Variants in NKAIN3 observed in about 807,000 individuals in gnomAD.
The protein encoded by NKAIN3 is sodium/potassium-transporting ATPase subunit beta-1-interacting protein 3.
A neutral mutation model predicts 30.2 loss-of-function variants in NKAIN3; 25 were observed. That is an observed-to-expected ratio of 0.83 (90% CI 0.60 to 1.16). The LOEUF (loss-of-function observed/expected upper bound fraction) is 1.16, where lower values mean the gene tolerates loss of function less well. Among genes scored for constraint, NKAIN3 ranks in the 50% most tolerant of loss-of-function variants. The probability of loss-of-function intolerance (pLI) is 0.00; values close to 1 mark genes in which losing one functional copy is unlikely to be tolerated. For missense variants in NKAIN3, 225 were observed against 254.1 expected (o/e 0.89, Z 0.78); for synonymous variants, 91 against 89.6 (o/e 1.02, Z -0.09).
intron 3 of NKAIN3, among the ~76,000 whole-genome samples, chr8:62,707,052 T>TATACACACACACACAC (rs1554568660): frequency 3.0e-5 from 3 of 99,166 alleles, no homozygotes; most frequent in Admixed American, 1.3e-4. Flanking sequence ...CCATCATACA[T>TATACACACACACACAC]ACATACACAC....
intron 5 of NKAIN3, among the ~76,000 whole-genome samples, chr8:62,950,306 A>T (rs1250151650): frequency 6.6e-5 from 10 of 152,154 alleles, no homozygotes; most frequent in Non-Finnish European, 1.3e-4. Flanking sequence ...ACTCTAGCAA[A>T]TGGAAGGTAT....
intron 1 of NKAIN3, among the ~76,000 whole-genome samples, chr8:62,434,586 C>T (rs1805112991): frequency 6.6e-6 from 1 of 152,134 alleles, no homozygotes; most frequent in Admixed American, 6.6e-5. Flanking sequence ...TTCCAAGTAT[C>T]TGTCCCTTCC....
At chr8:62,444,645 G>A (rs1361118622) in intron 1 of NKAIN3, among the ~76,000 whole-genome samples, 3 of 151,922 alleles carry the variant, frequency 2.0e-5, no homozygotes, top group African/African-American at 4.8e-5. Context: ...TCCATATTTT[G>A]GCTATTGTAA....
At chr8:62,836,225 C>T (rs1819358875) in intron 4 of NKAIN3, among the ~76,000 whole-genome samples, 1 of 151,970 alleles carries the variant, frequency 6.6e-6, no homozygotes, top group Non-Finnish European at 1.5e-5. Context: ...TTATTGCTCT[C>T]CTCACTACCT....
At chr8:62,542,713 A>G (rs1444932039) in intron 1 of NKAIN3, among the ~76,000 whole-genome samples, 1 of 152,218 alleles carries the variant, frequency 6.6e-6, no homozygotes, top group Non-Finnish European at 1.5e-5. Flanking sequence ...AACATGTTAA[A>G]CATGTTAAAA....
At position 62,526,124 on chromosome 8, in the gene NKAIN3, A is replaced by G. The variant is rs915477466; in HGVS notation, c.55-53415A>G. ...AACCTGCACAATCAAGGGCCTGGAAACTATGGAATGAGAGAAGGGCTGAAG... is the reference window on the plus strand; with the variant it reads ...AACCTGCACAATCAAGGGCCTGGAAGCTATGGAATGAGAGAAGGGCTGAAG... On this transcript the variant is annotated intron_variant, in intron 1 of 6. Coordinates refer to ENST00000623646, the MANE Select transcript of NKAIN3 (RefSeq NM_001304533.3). Among the ~76,000 whole-genome samples, 16 of 152,262 alleles carry G rather than the reference A, an allele frequency of 1.1e-4. 1 individual carries two copies. The highest frequency in any genetic ancestry group is 6.8e-3 in the Middle Eastern group (2 of 294).
At chr8:62,307,391 C>T (rs1814282580) in intron 1 of NKAIN3, among the ~76,000 whole-genome samples, 1 of 149,884 alleles carries the variant, frequency 6.7e-6, no homozygotes, top group South Asian at 2.1e-4. Flanking sequence ...TCTTTATCCC[C>T]TCCTCTGTCC....
At chr8:62,257,243 A>G (rs1441636437) in intron 1 of NKAIN3, among the ~76,000 whole-genome samples, 1 of 152,194 alleles carries the variant, frequency 6.6e-6, no homozygotes, top group Non-Finnish European at 1.5e-5. Flanking sequence ...ATGTCCTTCT[A>G]ATAAGTATTC....
intron 4 of NKAIN3, among the ~76,000 whole-genome samples, chr8:62,891,421 T>C (rs1462920921): frequency 6.6e-6 from 1 of 152,206 alleles, no homozygotes; most frequent in African/African-American, 2.4e-5. Context: ...TTCTCTACTT[T>C]TGAGGTTTTG....
At chr8:62,278,784 G>A (rs1376985404) in intron 1 of NKAIN3, among the ~76,000 whole-genome samples, 2 of 152,120 alleles carry the variant, frequency 1.3e-5, no homozygotes, top group African/African-American at 4.8e-5. Flanking sequence ...ATCATTGATG[G>A]ACATTTAGGT....
intron 3 of NKAIN3, among the ~76,000 whole-genome samples, chr8:62,701,956 GGCGTCTTTTTCCTCGAATT>G (rs1252114337): frequency 2.0e-5 from 3 of 152,110 alleles, no homozygotes; most frequent in Non-Finnish European, 4.4e-5. Context: ...GTCCACTGGG[GGCGTCTTTTTCCTCGAATT>G]GCGCTAGGGC....
At chr8:62,766,680 T>C (rs2130627936) in intron 4 of NKAIN3, among the ~76,000 whole-genome samples, 1 of 152,284 alleles carries the variant, frequency 6.6e-6, no homozygotes, top group East Asian at 1.9e-4. Context: ...TTATCCACTA[T>C]GAGTGACAGG....
At chr8:62,777,754 G>A (rs1384454705) in intron 4 of NKAIN3, among the ~76,000 whole-genome samples, 1 of 152,026 alleles carries the variant, frequency 6.6e-6, no homozygotes, top group African/African-American at 2.4e-5. Context: ...TGATACTTGT[G>A]GACGTTCATC....
intron 1 of NKAIN3, among the ~76,000 whole-genome samples, chr8:62,556,125 A>G (rs531092235): frequency 2.0e-5 from 3 of 152,120 alleles, no homozygotes; most frequent in South Asian, 4.1e-4. Flanking sequence ...TGGTGTATAT[A>G]TATTGGTAAA....
At chr8:62,317,155 T>C (rs1345747208) in intron 1 of NKAIN3, among the ~76,000 whole-genome samples, 1 of 152,232 alleles carries the variant, frequency 6.6e-6, no homozygotes, top group Non-Finnish European at 1.5e-5. Context: ...TTTGATTTCA[T>C]TGTAGATTCT....
rs560840834 is a variant in NKAIN3 at position 62,929,314 on chromosome 8, G to A, written c.532+10801G>A. On this transcript the variant is annotated intron_variant, in intron 5 of 6. Coordinates refer to ENST00000623646, the MANE Select transcript of NKAIN3 (RefSeq NM_001304533.3). ...ATTGAGCAGGAGGGCTCTGTGAAAAGGATAAAAAGTATACTGTGTTTTCGT... is the reference window on the plus strand; with the variant it reads ...ATTGAGCAGGAGGGCTCTGTGAAAAAGATAAAAAGTATACTGTGTTTTCGT... Among the ~76,000 whole-genome samples the A allele has an allele frequency of 7.0e-4, 107 of 152,286 alleles. No individual in the cohort carries two copies. The South Asian group carries it at 8.1e-3, about 12-fold the overall frequency.
chr8:62,874,350 A>G (rs905672574), intron 4 of NKAIN3, among the ~76,000 whole-genome samples: 1 of 152,172 alleles, frequency 6.6e-6, no homozygotes, highest in East Asian at 1.9e-4. Flanking sequence ...TAGCCTACCA[A>G]CCAAAAAAAC....
chr8:62,519,974 A>G (rs28564421), intron 1 of NKAIN3, among the ~76,000 whole-genome samples: 2 of 152,110 alleles, frequency 1.3e-5, no homozygotes, highest in African/African-American at 4.8e-5. Context: ...TTCCTTTTTC[A>G]GTATTTTCCT....
intron 1 of NKAIN3, among the ~76,000 whole-genome samples, chr8:62,368,899 G>T (rs1017025157): frequency 6.6e-6 from 1 of 151,548 alleles, no homozygotes; most frequent in Non-Finnish European, 1.5e-5. Flanking sequence ...GCCTATTCTA[G>T]GAAGAATATT....
Sources: allele counts gnomAD v4.1 joint callset (sites outside exome capture counted in the v4.1 genomes callset), GRCh38; gene constraint gnomAD v4.1.1; transcripts MANE v1.5; gene names NCBI Gene and HGNC (gene_info 2026-07-23, HGNC 2026-07-21).